Variants in PDCD10 observed in about 807,000 individuals in gnomAD.
PDCD10 encodes the protein programmed cell death protein 10.
Under a neutral mutation model 29.2 loss-of-function variants are expected in PDCD10, and 4 were observed. The observed-to-expected ratio is 0.14, with a 90% CI of 0.07 to 0.31. The LOEUF (loss-of-function observed/expected upper bound fraction) is 0.31. PDCD10 is among the 10% of genes least tolerant of loss of function. The pLI is 1.00. For missense variants in PDCD10, 183 were observed against 257.9 expected, an observed-to-expected ratio of 0.71 and a Z score of 1.99; for synonymous variants, 70 against 82.2, an observed-to-expected ratio of 0.85 and a Z score of 0.80.
intron 6 of PDCD10, among the ~76,000 whole-genome samples, chr3:167,693,158 A>T (rs1222490890): frequency 6.6e-6 from 1 of 152,210 alleles, no homozygotes; most frequent in African/African-American, 2.4e-5. Flanking sequence ...TAGGTATCCA[A>T]ACAAGCTAAA....
At chr3:167,733,636 G>A (rs764101467) in intron 2 of PDCD10, among the ~76,000 whole-genome samples, 4 of 152,096 alleles carry the variant, frequency 2.6e-5, no homozygotes, top group Non-Finnish European at 4.4e-5. Context: ...CTAGTAATGG[G>A]CACACTAAAC....
intron 8 of PDCD10, among the ~76,000 whole-genome samples, chr3:167,685,929 A>G (rs1013799116): frequency 6.6e-6 from 1 of 152,220 alleles, no homozygotes; most frequent in Non-Finnish European, 1.5e-5. Flanking sequence ...AATTCATAAT[A>G]TAAATGTAAA....
At chr3:167,722,556 T>C (rs1723684593) in intron 2 of PDCD10, among the ~76,000 whole-genome samples, 2 of 152,214 alleles carry the variant, frequency 1.3e-5, no homozygotes, top group African/African-American at 4.8e-5. Flanking sequence ...GTTAAAGCGG[T>C]AACCTTCAAA....
chr3:167,725,763 T>TATATA (rs1724064631), intron 2 of PDCD10, among the ~76,000 whole-genome samples: 2 of 77,164 alleles, frequency 2.6e-5, no homozygotes, highest in East Asian at 3.8e-4. Context: ...ATTGTATCGT[T>TATATA]TATATATATA....
intron 4 of PDCD10, among the ~76,000 whole-genome samples, chr3:167,702,289 T>C (rs909273657): frequency 1.2e-4 from 19 of 152,320 alleles, no homozygotes; most frequent in African/African-American, 4.6e-4. Context: ...CCTCAGCGTA[T>C]TCAATGTGAA....
intron 4 of PDCD10, among the ~76,000 whole-genome samples, chr3:167,699,854 T>A (rs1331685699): frequency 1.3e-5 from 2 of 152,028 alleles, no homozygotes; most frequent in African/African-American, 4.8e-5. Context: ...ATAGGAAAAA[T>A]TTTTGGAGAT....
chr3:167,695,998 CAAA>C (rs11332537), intron 5 of PDCD10, among the ~76,000 whole-genome samples: 7 of 142,056 alleles, frequency 4.9e-5, no homozygotes, highest in Middle Eastern at 3.5e-3. Flanking sequence ...AAAAAACACA[CAAA>C]AAAAAAACAG....
intron 6 of PDCD10, among the ~76,000 whole-genome samples, chr3:167,688,455 C>G (rs1719873355): frequency 6.6e-6 from 1 of 152,032 alleles, no homozygotes; most frequent in African/African-American, 2.4e-5. Flanking sequence ...CCTCCCCTTT[C>G]TAAAGAAAAA....
At chr3:167,697,512 A>C (rs1475059827) in intron 4 of PDCD10, among the ~76,000 whole-genome samples, 1 of 152,088 alleles carries the variant, frequency 6.6e-6, no homozygotes, top group Non-Finnish European at 1.5e-5. Flanking sequence ...TAATACTGCA[A>C]CTCAAGGATC....
chr3:167,726,299 A>G (rs1367272995), intron 2 of PDCD10, among the ~76,000 whole-genome samples: 3 of 151,836 alleles, frequency 2.0e-5, no homozygotes, highest in Non-Finnish European at 4.4e-5. Context: ...GGGTTTCACC[A>G]TGTTGGTCAG....
chr3:167,711,394 T>G (rs899707368), intron 3 of PDCD10, among the ~76,000 whole-genome samples: 1 of 152,218 alleles, frequency 6.6e-6, no homozygotes. Context: ...TACTGAAGAA[T>G]GCATCAACCT....
At chr3:167,729,084 TCC>T (rs908807287) in intron 2 of PDCD10, among the ~76,000 whole-genome samples, 6 of 152,178 alleles carry the variant, frequency 3.9e-5, no homozygotes, top group Non-Finnish European at 7.4e-5. Context: ...GATCTGCCAC[TCC>T]CCACACCAGA....
At position 167,721,642 on chromosome 3, in the gene PDCD10, A is replaced by G. The variant is rs542178717; in HGVS notation, c.-116-1369T>C. On this transcript the variant is annotated intron_variant, in intron 2 of 8. Coordinates refer to ENST00000392750, the MANE Select transcript of PDCD10 (RefSeq NM_007217.4). ...CTGCTTAGTATTCCACCATATCGCTACCAGTGAAAGGGAACTCAACACCTA... is the reference window on the plus strand; with the variant it reads ...CTGCTTAGTATTCCACCATATCGCTGCCAGTGAAAGGGAACTCAACACCTA... Among the ~76,000 whole-genome samples, 200 of 152,310 alleles carry G rather than the reference A, an allele frequency of 1.3e-3. 2 individuals are homozygous for G. Among genetic ancestry groups the G allele is most frequent in the African/African-American group, 4.7e-3 (195 of 41,572 alleles).
At chr3:167,722,149 A>T (rs941508644) in intron 2 of PDCD10, among the ~76,000 whole-genome samples, 4 of 152,202 alleles carry the variant, frequency 2.6e-5, no homozygotes, top group Non-Finnish European at 4.4e-5. Flanking sequence ...GAATATAGAC[A>T]GCAGCAGAAG....
intron 3 of PDCD10, among the ~76,000 whole-genome samples, chr3:167,717,814 C>T (rs948471295): frequency 6.6e-6 from 1 of 151,940 alleles, no homozygotes; most frequent in African/African-American, 2.4e-5. Flanking sequence ...TTTTTTTAAA[C>T]GCTTGACACC....
chr3:167,707,236 GAA>G lies in PDCD10; in HGVS notation c.97-2343_97-2342del, dbSNP rs1722064947. Among the ~76,000 whole-genome samples, 19 of 152,306 alleles carry G rather than the reference GAA, an allele frequency of 1.2e-4. No individual in the cohort carries two copies. In the South Asian group the frequency reaches 3.9e-3, roughly 32 times the overall value. ...TCCTCCTGGGGAGTTCTCCCACTTAGAAGTTTCTTCAGGGTTGGTAACACATG... is the reference window on the plus strand; with the variant it reads ...TCCTCCTGGGGAGTTCTCCCACTTAGGTTTCTTCAGGGTTGGTAACACATG... On this transcript the variant is annotated intron_variant, in intron 3 of 8. Coordinates refer to ENST00000392750, the MANE Select transcript of PDCD10 (RefSeq NM_007217.4).
chr3:167,685,779 G>C (rs1719554256), intron 8 of PDCD10, among the ~76,000 whole-genome samples: 1 of 152,010 alleles, frequency 6.6e-6, no homozygotes, highest in African/African-American at 2.4e-5. Context: ...TTTGAGCTTA[G>C]CATAAATCAA....
intron 2 of PDCD10, among the ~76,000 whole-genome samples, chr3:167,732,711 A>G (rs567779924): frequency 6.6e-6 from 1 of 152,370 alleles, no homozygotes; most frequent in Non-Finnish European, 1.5e-5. Context: ...TCATAGTTCA[A>G]AAGCTCTTTC....
chr3:167,688,815 T>C (rs940942191), intron 6 of PDCD10, among the ~76,000 whole-genome samples: 73 of 152,196 alleles, frequency 4.8e-4, no homozygotes, highest in African/African-American at 1.8e-3. Context: ...TTCAGTTATT[T>C]CCTATCTAAA....
Sources: allele counts gnomAD v4.1 joint callset (sites outside exome capture counted in the v4.1 genomes callset), GRCh38; gene constraint gnomAD v4.1.1; transcripts MANE v1.5; gene names NCBI Gene and HGNC (gene_info 2026-07-23, HGNC 2026-07-21).